UGT2B7: variants seen among roughly 807,000 people sequenced by gnomAD.
The protein encoded by UGT2B7 is UDP-glucuronosyltransferase 2B7.
In UGT2B7, 51 loss-of-function variants were observed where a neutral mutation model predicts 51.9. That is an observed-to-expected ratio of 0.98 (90% CI 0.78 to 1.24). The LOEUF (loss-of-function observed/expected upper bound fraction) is 1.24. UGT2B7 is among the 50% of genes most tolerant of loss of function. The pLI, the probability that UGT2B7 is intolerant of heterozygous loss-of-function variation, is 0.00. For synonymous variants in UGT2B7, 225 were observed against 211.6 expected, an observed-to-expected ratio of 1.06 and a Z score of -0.55; for missense variants, 727 against 628.4, an observed-to-expected ratio of 1.16 and a Z score of -1.68.
intron 3 of UGT2B7, among the ~76,000 whole-genome samples, chr4:69,105,758 A>G (rs140230215): frequency 3.3e-5 from 5 of 152,318 alleles, no homozygotes; most frequent in African/African-American, 1.2e-4. Context: ...ATAATTTATA[A>G]TTCCAATGAA....
chr4:69,091,359 T>A (rs1028618432), intron 2 of UGT2B7, among the ~76,000 whole-genome samples: 19 of 152,142 alleles, frequency 1.2e-4, no homozygotes, highest in Non-Finnish European at 1.5e-5. Flanking sequence ...AGTGTGTGTA[T>A]GTTTGTGTTT....
chr4:69,056,716 A>G (rs1358141336), intron 1 of UGT2B7, among the ~76,000 whole-genome samples: 1 of 152,134 alleles, frequency 6.6e-6, no homozygotes, highest in Non-Finnish European at 1.5e-5. Flanking sequence ...AAAAAGCTTC[A>G]TCGCTACCTT....
intron 5 of UGT2B7, among the ~76,000 whole-genome samples, chr4:69,108,524 T>A (rs1415995740): frequency 6.6e-6 from 1 of 152,040 alleles, no homozygotes; most frequent in Non-Finnish European, 1.5e-5. Context: ...AGCCAGTTAG[T>A]GAAACAATTT....
intron 1 of UGT2B7, among the ~76,000 whole-genome samples, chr4:69,060,625 G>T (rs1223352231): frequency 6.6e-6 from 1 of 152,178 alleles, no homozygotes; most frequent in Admixed American, 6.5e-5. Context: ...GCATCACCCG[G>T]TGGCATACCT....
chr4:69,093,700 G>T (rs28458345), upstream of UGT2B7, among the ~76,000 whole-genome samples: 5,068 of 152,200 alleles, frequency 0.033, 119 homozygotes, highest in Middle Eastern at 0.11. Context: ...TGACCTGAGG[G>T]TTACAAAAAT....
At chr4:69,092,484 A>T (rs1409122189), upstream of UGT2B7, among the ~76,000 whole-genome samples, 1 of 152,158 alleles carries the variant, frequency 6.6e-6, no homozygotes, top group African/African-American at 2.4e-5. Flanking sequence ...CACACTTAGG[A>T]TGCAACAGGG....
At chr4:69,063,939 C>T (rs1718413847) in intron 1 of UGT2B7, among the ~76,000 whole-genome samples, 1 of 151,412 alleles carries the variant, frequency 6.6e-6, no homozygotes, top group South Asian at 2.1e-4. Context: ...GAAGAACTGA[C>T]TTGTAATGAG....
chr4:69,067,330 T>C (rs1031417395), intron 1 of UGT2B7: 1 of 152,870 alleles, frequency 6.5e-6, no homozygotes, highest in Non-Finnish European at 1.5e-5. Context: ...TTTCATTGCC[T>C]CATATTGTGC....
intron 2 of UGT2B7, 66 bp downstream of exon 2, chr4:69,098,754 C>T (rs1719328249): frequency 7.6e-6 from 12 of 1,589,354 alleles, no homozygotes; most frequent in African/African-American, 1.4e-5. Flanking sequence ...ATTCTATAGT[C>T]TTCTTTCAGA....
At chr4:69,094,129 C>CTTTTT (rs71204074), upstream of UGT2B7, among the ~76,000 whole-genome samples, 6 of 54,090 alleles carry the variant, frequency 1.1e-4, no homozygotes, top group Admixed American at 2.2e-4. Context: ...GTTTTGGTTT[C>CTTTTT]TTTTTTTTTT....
intron 1 of UGT2B7, among the ~76,000 whole-genome samples, chr4:69,077,611 T>C (rs1718741785): frequency 1.3e-5 from 2 of 151,832 alleles, no homozygotes; most frequent in South Asian, 4.1e-4. Context: ...GGAATGCTTG[T>C]GATTTTTGCA....
intron 1 of UGT2B7, among the ~76,000 whole-genome samples, chr4:69,064,098 GAAAGAAAGAAAGAAAAAGAAAGAAAGA>G (rs1560499769): frequency 1.1e-4 from 10 of 90,052 alleles, no homozygotes; most frequent in African/African-American, 4.5e-4. Context: ...GAAAGAAAGA[GAAAGAAAGAAAGAAAAAGAAAGAAAGA>G]AAGAAAGAAA....
intron 1 of UGT2B7, among the ~76,000 whole-genome samples, chr4:69,089,240 A>C (rs946647327): frequency 2.0e-5 from 3 of 152,198 alleles, no homozygotes; most frequent in Admixed American, 6.6e-5. Flanking sequence ...TTTATCATTT[A>C]AGTGTTCTGT....
exon 1 of UGT2B7, chr4:69,051,539 G>T (rs567220366): frequency 2.4e-4 from 37 of 152,480 alleles, no homozygotes; most frequent in Admixed American, 2.0e-3. Flanking sequence ...CCTCGCAGAG[G>T]ATTAACACAG....
At chr4:69,090,055 T>C (rs1719051125) in intron 2 of UGT2B7, among the ~76,000 whole-genome samples, 1 of 152,162 alleles carries the variant, frequency 6.6e-6, no homozygotes, top group African/African-American at 2.4e-5. Context: ...TACTTGGGTA[T>C]AAAAGTAGAA....
intron 1 of UGT2B7, among the ~76,000 whole-genome samples, chr4:69,063,545 G>A (rs1560499478): frequency 6.6e-6 from 1 of 152,068 alleles, no homozygotes; most frequent in Non-Finnish European, 1.5e-5. Context: ...CCATCTATTA[G>A]AATAGACTGG....
intron 3 of UGT2B7, among the ~76,000 whole-genome samples, chr4:69,106,632 G>A (rs1251907724): frequency 6.6e-6 from 1 of 151,994 alleles, no homozygotes; most frequent in Non-Finnish European, 1.5e-5. Context: ...TGGGATTGCT[G>A]GGTTTCATGG....
At chr4:69,098,031 T>C (rs1719297783) in intron 1 of UGT2B7, among the ~76,000 whole-genome samples, 1 of 152,058 alleles carries the variant, frequency 6.6e-6, no homozygotes. Context: ...AAAAGAGTAG[T>C]TGGTACAAGG....
chr4:69,094,089 A>G (rs1397410058), upstream of UGT2B7, among the ~76,000 whole-genome samples: 1 of 151,930 alleles, frequency 6.6e-6, no homozygotes, highest in Non-Finnish European at 1.5e-5. Context: ...AAATAAAGCA[A>G]ATATTGCAAT....
Sources: allele counts gnomAD v4.1 joint callset (sites outside exome capture counted in the v4.1 genomes callset), GRCh38; gene constraint gnomAD v4.1.1; transcripts MANE v1.5; gene names NCBI Gene and HGNC (gene_info 2026-07-23, HGNC 2026-07-21).